Variants in PRRC1 observed in about 807,000 individuals in gnomAD.
PRRC1 encodes the protein proline rich coiled-coil 1.
A neutral mutation model predicts 40.7 loss-of-function variants in PRRC1; 39 were observed. That is an observed-to-expected ratio of 0.96 (90% confidence interval 0.74 to 1.25). PRRC1 has a LOEUF of 1.25. Among genes scored for constraint, PRRC1 ranks in the 50% most tolerant of loss-of-function variants. The probability of loss-of-function intolerance (pLI) is 0.00; values close to 1 mark genes in which losing one functional copy is unlikely to be tolerated. For missense variants in PRRC1, 573 were observed against 548.3 expected (o/e 1.05, Z -0.45); for synonymous variants, 175 against 193.3 (o/e 0.91, Z 0.79).
At chr5:127,538,562 T>C (rs1767957196) in intron 6 of PRRC1, among the ~76,000 whole-genome samples, 1 of 152,042 alleles carries the variant, frequency 6.6e-6, no homozygotes, top group Admixed American at 6.6e-5. Flanking sequence ...ACTGGTCATT[T>C]TGGTGCATGT....
chr5:127,554,082 T>C lies in PRRC1; in HGVS notation c.*2166T>C. 1 of 590,336 alleles carries C rather than the reference T, an allele frequency of 1.7e-6. No homozygotes were observed. The highest frequency in any genetic ancestry group is 2.8e-6 in the Non-Finnish European group (1 of 359,440). 36.6% of individuals were successfully genotyped at this position (590,336 alleles called of 1,614,324 possible). Reference sequence around the variant, plus strand: ...ATTTTGTTGTCCTTAGATTTCCCTGTTGTAAAAGGGGCAAGAAAAGTAACT... The same window carrying C: ...ATTTTGTTGTCCTTAGATTTCCCTGCTGTAAAAGGGGCAAGAAAAGTAACT... On this transcript the variant is annotated 3_prime_UTR_variant, in exon 9 of 9. Coordinates refer to ENST00000296666, the MANE Select transcript of PRRC1 (RefSeq NM_130809.5).
intron 6 of PRRC1, among the ~76,000 whole-genome samples, chr5:127,534,146 A>G (rs924544360): frequency 2.6e-5 from 4 of 152,162 alleles, no homozygotes; most frequent in Admixed American, 6.5e-5. Context: ...ATGCTTAAAA[A>G]TATGTAAGTT....
intron 1 of PRRC1, among the ~76,000 whole-genome samples, chr5:127,522,049 G>A (rs1767474069): frequency 6.6e-6 from 1 of 152,084 alleles, no homozygotes. Context: ...TATCCTATTT[G>A]TTTTTGCTAA....
chr5:127,531,617 C>CTTCTTTTTTT (rs1268819647), intron 5 of PRRC1, among the ~76,000 whole-genome samples: 2 of 99,680 alleles, frequency 2.0e-5, no homozygotes, highest in African/African-American at 9.3e-5. Context: ...TCTTCTTCTT[C>CTTCTTTTTTT]TTTTTTTTTT....
intron 7 of PRRC1, among the ~76,000 whole-genome samples, chr5:127,543,598 C>T (rs1338638382): frequency 2.6e-5 from 4 of 152,060 alleles, no homozygotes; most frequent in East Asian, 1.9e-4. Context: ...CTCTAAACTT[C>T]CCTTCTCGCT....
chr5:127,545,921 T>A (rs1351351253), intron 7 of PRRC1, among the ~76,000 whole-genome samples: 9 of 75,332 alleles, frequency 1.2e-4, no homozygotes, highest in Non-Finnish European at 2.4e-4. Flanking sequence ...ATGTATTTGC[T>A]TGCTTGCTTG....
chr5:127,527,195 A>T (rs1767641728), intron 4 of PRRC1, among the ~76,000 whole-genome samples: 1 of 152,014 alleles, frequency 6.6e-6, no homozygotes, highest in African/African-American at 2.4e-5. Flanking sequence ...TAAATTAGTT[A>T]ATTTATTTTA....
intron 1 of PRRC1, among the ~76,000 whole-genome samples, chr5:127,521,414 G>A (rs1286427726): frequency 4.6e-5 from 7 of 152,154 alleles, no homozygotes; most frequent in Non-Finnish European, 7.3e-5. Context: ...GTTGGAATTA[G>A]CTTAGACTGC....
chr5:127,521,103 C>T (rs1767447882), intron 1 of PRRC1, among the ~76,000 whole-genome samples: 1 of 152,104 alleles, frequency 6.6e-6, no homozygotes, highest in Admixed American at 6.5e-5. Context: ...GTTCTGAGAT[C>T]CTCTCCAAAG....
Position 127,522,392 on chromosome 5 carries a change from T to C in PRRC1, c.-20-1068T>C, listed in dbSNP as rs560607071. 2.0e-5 allele frequency among the ~76,000 whole-genome samples: 3 copies of C among 152,226 alleles called. No individual in the cohort carries two copies. The South Asian group carries it at 6.2e-4, about 32-fold the overall frequency. On this transcript the variant is annotated intron_variant, in intron 1 of 8. Transcript: ENST00000296666. ...TAATGCTTTTATCAAGTGAAGCACA[T>C]TTTATTTTATTTTATTGAGACAAGG...
intron 1 of PRRC1, among the ~76,000 whole-genome samples, chr5:127,520,274 A>G (rs1419942294): frequency 6.6e-6 from 1 of 152,226 alleles, no homozygotes; most frequent in Non-Finnish European, 1.5e-5. Flanking sequence ...TATGAAAATC[A>G]TTAGTCTAGG....
chr5:127,522,113 G>A (rs1037055697), intron 1 of PRRC1, among the ~76,000 whole-genome samples: 7 of 152,192 alleles, frequency 4.6e-5, no homozygotes, highest in South Asian at 2.1e-4. Flanking sequence ...GTTGACCTTC[G>A]CTAAAAACTT....
intron 7 of PRRC1, among the ~76,000 whole-genome samples, chr5:127,541,605 G>A (rs1768048386): frequency 6.6e-6 from 1 of 152,188 alleles, no homozygotes; most frequent in Admixed American, 6.5e-5. Context: ...AGTCTTGGGA[G>A]AGTGTATGTA....
chr5:127,541,424 G>A (rs1285103658), intron 7 of PRRC1, among the ~76,000 whole-genome samples: 2 of 151,932 alleles, frequency 1.3e-5, no homozygotes, highest in Non-Finnish European at 2.9e-5. Context: ...TTTTTCTATT[G>A]ATTGGAATAG....
chr5:127,539,982 G>A (rs1247712284), intron 7 of PRRC1, among the ~76,000 whole-genome samples: 1 of 152,056 alleles, frequency 6.6e-6, no homozygotes, highest in Non-Finnish European at 1.5e-5. Flanking sequence ...GGCTTGAACT[G>A]GATTTTGAAG....
intron 1 of PRRC1, among the ~76,000 whole-genome samples, chr5:127,522,817 C>T (rs1159787997): frequency 6.6e-6 from 1 of 151,986 alleles, no homozygotes; most frequent in Non-Finnish European, 1.5e-5. Context: ...GTCACGCAGG[C>T]TGGAGTGCAG....
intron 6 of PRRC1, among the ~76,000 whole-genome samples, chr5:127,538,774 T>G (rs1426647197): frequency 6.6e-6 from 1 of 151,972 alleles, no homozygotes; most frequent in African/African-American, 2.4e-5. Context: ...AATGAGAAAA[T>G]GTAATATAAA....
intron 8 of PRRC1, chr5:127,550,610 G>A (rs909342690): frequency 6.6e-6 from 1 of 152,162 alleles, no homozygotes. Flanking sequence ...TTGTTAAAAT[G>A]CAGATTCTCG....
chr5:127,553,663 CTATTA>C lies in PRRC1; in HGVS notation c.*1750_*1754del. On this transcript the variant is annotated 3_prime_UTR_variant, in exon 9 of 9. Coordinates refer to ENST00000296666, the MANE Select transcript of PRRC1 (RefSeq NM_130809.5). ...TAAAATAGTTCTGCTACTTTCCCTC[CTATTA>C]TAAGGAAATCTTACAGATTCTAAAA... The C allele has an allele frequency of 6.9e-7, 1 of 1,455,294 alleles. No homozygotes were observed. The highest frequency in any genetic ancestry group is 9.0e-7 in the Non-Finnish European group (1 of 1,108,808). 90.1% of individuals were successfully genotyped at this position (1,455,294 alleles called of 1,614,324 possible). A position where few individuals can be genotyped will look rare whatever the true frequency, so the allele number is the denominator to read the frequency against.
Sources: allele counts gnomAD v4.1 joint callset (sites outside exome capture counted in the v4.1 genomes callset), GRCh38; gene constraint gnomAD v4.1.1; transcripts MANE v1.5; gene names NCBI Gene and HGNC (gene_info 2026-07-23, HGNC 2026-07-21).